Variants in CADM1 observed in about 807,000 individuals in gnomAD.
CADM1 encodes TSLC-1.
Under a neutral mutation model 53.1 loss-of-function variants are expected in CADM1, and 15 were observed. The observed-to-expected ratio is 0.28, with a 90% CI of 0.19 to 0.44. CADM1 has a LOEUF of 0.44. Ranked by LOEUF, CADM1 falls within the 20% of genes least tolerant of loss-of-function variation. The pLI is 1.00. For synonymous variants in CADM1, 281 were observed against 243.0 expected (o/e 1.16, Z -1.45); for missense variants, 434 against 611.3 (o/e 0.71, Z 3.06).
intron 5 of CADM1, among the ~76,000 whole-genome samples, chr11:115,219,736 G>C (rs775430863): frequency 1.3e-5 from 2 of 152,176 alleles, no homozygotes; most frequent in Non-Finnish European, 2.9e-5. Flanking sequence ...CCCTTTCAGA[G>C]ACAGAGGCCA....
chr11:115,360,667 G>A (rs962037054), intron 1 of CADM1, among the ~76,000 whole-genome samples: 9 of 152,172 alleles, frequency 5.9e-5, no homozygotes, highest in Non-Finnish European at 1.3e-4. Context: ...AAAGGAAACT[G>A]TACTTGTGTG....
chr11:115,402,517 T>C (rs1392641455), intron 1 of CADM1, among the ~76,000 whole-genome samples: 1 of 152,116 alleles, frequency 6.6e-6, no homozygotes, highest in Non-Finnish European at 1.5e-5. Flanking sequence ...AGTGAGACTC[T>C]GTCTCAAAAA....
chr11:115,205,397 G>A (rs1259863462), intron 8 of CADM1, among the ~76,000 whole-genome samples: 4 of 152,088 alleles, frequency 2.6e-5, no homozygotes, highest in African/African-American at 9.7e-5. Context: ...AACACACAAA[G>A]TCAACTAATT....
rs1289428816 is a variant in CADM1 at position 115,346,714 on chromosome 11, G to T, written c.125-106294C>A. Among the ~76,000 whole-genome samples, 3 of 152,092 alleles carry T rather than the reference G, an allele frequency of 2.0e-5. No individual in the cohort carries two copies. The East Asian group carries it at 5.8e-4, about 29-fold the overall frequency. Reference sequence around the variant, plus strand: ...GAGAGAGGCCCGGATCAAGCCAAAGGGTCACCGGCTAACCTCTGGAGTCCC... The same window carrying T: ...GAGAGAGGCCCGGATCAAGCCAAAGTGTCACCGGCTAACCTCTGGAGTCCC... On this transcript the variant is annotated intron_variant, in intron 1 of 11. Coordinates refer to ENST00000331581, the MANE Select transcript of CADM1 (RefSeq NM_001301043.2).
At chr11:115,404,744 G>A (rs943547565) in intron 1 of CADM1, among the ~76,000 whole-genome samples, 3 of 149,144 alleles carry the variant, frequency 2.0e-5, no homozygotes, top group Admixed American at 1.3e-4. Context: ...TGTGGTCTCA[G>A]TTATTTGGGA....
intron 1 of CADM1, among the ~76,000 whole-genome samples, chr11:115,394,204 C>A (rs541433245): frequency 6.6e-6 from 1 of 152,282 alleles, no homozygotes; most frequent in African/African-American, 2.4e-5. Flanking sequence ...TACAGCACTG[C>A]TTTATAAAAT....
intron 1 of CADM1, among the ~76,000 whole-genome samples, chr11:115,367,827 T>C (rs1264119856): frequency 6.6e-6 from 1 of 152,058 alleles, no homozygotes; most frequent in Non-Finnish European, 1.5e-5. Context: ...CAAATTCAAA[T>C]TTAAGTGAAT....
intron 1 of CADM1, among the ~76,000 whole-genome samples, chr11:115,334,641 T>C (rs922517170): frequency 6.6e-6 from 1 of 152,142 alleles, no homozygotes; most frequent in Non-Finnish European, 1.5e-5. Context: ...TAGGGTTCAA[T>C]ACTATCCTCA....
At chr11:115,429,881 AC>A (rs1947998308) in intron 1 of CADM1, among the ~76,000 whole-genome samples, 1 of 152,114 alleles carries the variant, frequency 6.6e-6, no homozygotes, top group Admixed American at 6.6e-5. Context: ...CATCCCCCAG[AC>A]CCGGAGCAGT....
intron 1 of CADM1, among the ~76,000 whole-genome samples, chr11:115,314,459 C>CAAGT (rs1944609275): frequency 6.6e-6 from 1 of 152,164 alleles, no homozygotes; most frequent in African/African-American, 2.4e-5. Context: ...ATAAGTAATA[C>CAAGT]AAGTGAGCCT....
intron 1 of CADM1, among the ~76,000 whole-genome samples, chr11:115,441,277 T>C (rs1173005556): frequency 2.0e-5 from 3 of 152,084 alleles, no homozygotes; most frequent in African/African-American, 4.8e-5. Context: ...CTCACAGAAA[T>C]GATGGGACAC....
chr11:115,226,888 CAA>C (rs1941630708), intron 5 of CADM1, among the ~76,000 whole-genome samples: 1 of 152,218 alleles, frequency 6.6e-6, no homozygotes, highest in South Asian at 2.1e-4. Flanking sequence ...GCTGACTCTG[CAA>C]AGTTCTCAAT....
chr11:115,486,168 A>C (rs551592767), intron 1 of CADM1, among the ~76,000 whole-genome samples: 1 of 152,048 alleles, frequency 6.6e-6, no homozygotes, highest in Non-Finnish European at 1.5e-5. Context: ...TTGAACTATT[A>C]TACTCCTAAC....
chr11:115,398,354 G>C (rs1947055828), intron 1 of CADM1, among the ~76,000 whole-genome samples: 1 of 152,170 alleles, frequency 6.6e-6, no homozygotes, highest in East Asian at 1.9e-4. Flanking sequence ...CCTTAGAGAG[G>C]AACATTTCTT....
chr11:115,412,787 C>T (rs534572591), intron 1 of CADM1, among the ~76,000 whole-genome samples: 15 of 152,156 alleles, frequency 9.9e-5, no homozygotes, highest in Admixed American at 3.3e-4. Flanking sequence ...AGGTGTTTTA[C>T]AAGCATCAAG....
At chr11:115,491,458 G>A (rs753740152) in intron 1 of CADM1, among the ~76,000 whole-genome samples, 1 of 152,018 alleles carries the variant, frequency 6.6e-6, no homozygotes, top group Non-Finnish European at 1.5e-5. Context: ...CCACCTACTC[G>A]GGAGGCTGAG....
intron 1 of CADM1, among the ~76,000 whole-genome samples, chr11:115,427,510 G>A (rs1947920039): frequency 6.6e-6 from 1 of 152,070 alleles, no homozygotes; most frequent in African/African-American, 2.4e-5. Context: ...AGAGATGATA[G>A]ATAGATGGAT....
At chr11:115,252,408 A>ATT (rs201195766) in intron 1 of CADM1, among the ~76,000 whole-genome samples, 1 of 151,864 alleles carries the variant, frequency 6.6e-6, no homozygotes, top group African/African-American at 2.4e-5. Context: ...AATCTGCTGA[A>ATT]TTTTTTTTTA....
intron 1 of CADM1, among the ~76,000 whole-genome samples, chr11:115,272,077 A>T (rs573898676): frequency 2.6e-4 from 39 of 148,114 alleles, no homozygotes; most frequent in African/African-American, 8.4e-4. Context: ...TTCATTATAG[A>T]TTTTTTTTTT....
Sources: gnomAD v4.1 joint callset for allele counts (sites outside exome capture counted in the v4.1 genomes callset) on GRCh38, gnomAD v4.1.1 for gene constraint, MANE v1.5 for transcripts, NCBI Gene and HGNC (gene_info 2026-07-23, HGNC 2026-07-21) for gene names.